The following TLE6 variants were observed in gnomAD, a reference collection of about 807,000 sequenced individuals.
TLE6 encodes the protein TLE family member 6, subcortical maternal complex member.
A neutral mutation model predicts 77.1 loss-of-function variants in TLE6; 72 were observed. The observed-to-expected ratio is 0.93, with a 90% CI of 0.77 to 1.14. TLE6 has a LOEUF of 1.14. TLE6 is among the 50% of genes most tolerant of loss of function. The pLI, the probability that TLE6 is intolerant of heterozygous loss-of-function variation, is 0.00. For synonymous variants in TLE6, 366 were observed against 287.3 expected (o/e 1.27, Z -2.77); for missense variants, 843 against 747.6 (o/e 1.13, Z -1.49).
chr19:2,994,492 C>T (rs1568222229), intron 16 of TLE6, among the ~76,000 whole-genome samples: 1 of 152,096 alleles, frequency 6.6e-6, no homozygotes, highest in Non-Finnish European at 1.5e-5. Context: ...CGCCTGTAGT[C>T]CCAGCTACTT....
chr19:2,991,473 A>C (rs1472615224), intron 13 of TLE6, among the ~76,000 whole-genome samples: 2 of 150,946 alleles, frequency 1.3e-5, no homozygotes, highest in Non-Finnish European at 2.9e-5. Flanking sequence ...CTATCAGCAT[A>C]TGTTTGCAGG....
chr19:2,980,301 C>A, intron 3 of TLE6, 119 bp downstream of exon 3: 1 of 752,106 alleles, frequency 1.3e-6, no homozygotes, highest in Non-Finnish European at 2.1e-6. Context: ...GGCTCAGGAA[C>A]AGGAAGCCAT....
chr19:2,987,495 C>A, intron 8 of TLE6, 123 bp downstream of exon 8: 1 of 1,421,322 alleles, frequency 7.0e-7, no homozygotes. Context: ...CCCCTCGGGT[C>A]CCCCGGGGGG....
At chr19:2,989,358 A>G (rs749136677) in intron 12 of TLE6, 45 bp downstream of exon 12, 5 of 1,603,624 alleles carry the variant, frequency 3.1e-6, no homozygotes, top group Non-Finnish European at 4.3e-6. Context: ...TTCTGGGAAC[A>G]GGGGGTTTGA....
At chr19:2,986,242 C>T (rs1412995942) in intron 5 of TLE6, among the ~76,000 whole-genome samples, 1 of 149,058 alleles carries the variant, frequency 6.7e-6, no homozygotes. Flanking sequence ...ATGAGACTCC[C>T]ATTTCTACAA....
chr19:2,994,744 C>T lies in TLE6; in HGVS notation c.1615-156C>T, dbSNP rs573090360. Among the ~76,000 whole-genome samples, 29 of 152,304 alleles carry T rather than the reference C, an allele frequency of 1.9e-4. No individual in the cohort carries two copies. In the East Asian group the frequency reaches 4.4e-3, roughly 23 times the overall value. Reference sequence around the variant, plus strand: ...GTGTGAGTCCAGGAGGTCGAGGCTGCAGCAAGCTGAGATTGCACCACTGCA... The same window carrying T: ...GTGTGAGTCCAGGAGGTCGAGGCTGTAGCAAGCTGAGATTGCACCACTGCA... On this transcript the variant is annotated intron_variant, in intron 16 of 16. Transcript: ENST00000246112.
chr19:2,978,444 G>C (rs749369167), intron 2 of TLE6, among the ~76,000 whole-genome samples, 160 bp downstream of exon 2: 2 of 152,102 alleles, frequency 1.3e-5, no homozygotes, highest in Non-Finnish European at 2.9e-5. Context: ...AAGGAGCCGT[G>C]TTTTTTAAAA....
At chr19:2,993,995 T>G (rs2089149420) in intron 15 of TLE6, 24 bp from the exon 16 acceptor site, 1 of 1,565,006 alleles carries the variant, frequency 6.4e-7, no homozygotes, top group Admixed American at 1.8e-5. Context: ...GTTCTAAGTC[T>G]CGCTGATGCT....
chr19:2,993,322 G>A (rs2089127024), intron 14 of TLE6, 110 bp from the exon 15 acceptor site: 1 of 1,186,168 alleles, frequency 8.4e-7, no homozygotes, highest in Admixed American at 2.8e-5. Context: ...TGCACAGCTA[G>A]GAAGGGGTCA....
rs1336193754 is a variant in TLE6, at chr19:2,991,358, CA to C, written c.1245-471del. 6.5e-3 allele frequency among the ~76,000 whole-genome samples: 381 copies of C among 58,772 alleles called. 2 individuals are homozygous for C. Among genetic ancestry groups the C allele is most frequent in the South Asian group, 0.029 (47 of 1,628 alleles). The allele number at this position is 58,772 out of a possible 152,430, so 38.6% of individuals were successfully genotyped here. ...TGGGCAACAAAACGAGACTCCATTT[CA>C]AAAAAAAAAAAAATACGTATATATA... On this transcript the variant is annotated intron_variant, in intron 13 of 16. Transcript: ENST00000246112.
At chr19:2,994,142 AC>A in intron 16 of TLE6, 47 bp downstream of exon 16, 1 of 1,517,636 alleles carries the variant, frequency 6.6e-7, no homozygotes, top group Non-Finnish European at 9.0e-7. Context: ...CCCCAAAGGG[AC>A]CAGCCTGGGC....
Position 2,991,901 on chromosome 19 carries a change from T to G in TLE6, c.1303T>G (p.Trp435Gly), listed in dbSNP as rs1435622235. The change falls in exon 14 of 17, where the codon TGG (tryptophan) becomes GGG (glycine). Residue 435 changes from tryptophan to glycine, a missense_variant. Coordinates refer to ENST00000246112, the MANE Select transcript of TLE6 (RefSeq NM_001143986.2). The stretch of plus-strand genomic sequence containing the variant: ...TATCGTGGTCAAGGGCTACAACATC[T>G]GGACTGGGGGTCCGGATGCCTGTCT... ...KSIVVKGYNIWTGGPDACLRC... is the reference protein window; with the variant it reads ...KSIVVKGYNIGTGGPDACLRC... The G allele has an allele frequency of 3.7e-6, 6 of 1,613,600 alleles. No individual in the cohort carries two copies. Among genetic ancestry groups the G allele is most frequent in the Non-Finnish European group, 5.1e-6 (6 of 1,179,838 alleles).
Position 2,989,162 on chromosome 19 carries a change from G to A in TLE6, c.842G>A (p.Arg281Gln), listed in dbSNP as rs376615116. ...GTCCCGTGCAAACTGGAAAAGATGC[G>A]GATCTTGGCACACGGGGAGCTCGTG... Reference protein sequence around the residue: ...LAVPCKLEKMRILAHGELVLA... With the variant: ...LAVPCKLEKMQILAHGELVLA... The change falls in exon 12 of 17, where the codon CGG becomes CAG. Residue 281 changes from arginine (R) to glutamine (Q), a missense_variant. Arg to Gln is a conservative substitution (Grantham distance 43). Coordinates refer to ENST00000246112, the MANE Select transcript of TLE6 (RefSeq NM_001143986.2). The A allele has an allele frequency of 3.0e-5, 48 of 1,614,016 alleles. No homozygotes were observed. The highest frequency in any genetic ancestry group is 1.1e-4 in the African/African-American group (8 of 74,958).
chr19:2,980,054 G>A lies in TLE6; in HGVS notation c.52-46G>A, dbSNP rs1247841071. On this transcript the variant is annotated intron_variant, in intron 2 of 16. Transcript: ENST00000246112. ...GAGGTGGAGACCGGGGGTCTTGGGT[G>A]TTGGAGCATTGTAAGTTTTATGTAA... 3 of 1,491,832 alleles carry A rather than the reference G, an allele frequency of 2.0e-6. No individual in the cohort carries two copies. The highest frequency in any genetic ancestry group is 2.7e-6 in the Non-Finnish European group (3 of 1,094,402). The allele number at this position is 1,491,832 out of a possible 1,614,324, so 92.4% of individuals were successfully genotyped here. A position where few individuals can be genotyped will look rare whatever the true frequency, so the allele number is the denominator to read the frequency against.
intron 5 of TLE6, among the ~76,000 whole-genome samples, chr19:2,982,795 TC>T (rs1207854430): frequency 6.6e-6 from 1 of 152,098 alleles, no homozygotes; most frequent in Non-Finnish European, 1.5e-5. Flanking sequence ...TCCTGCTCCT[TC>T]CGCTCCCTGG....
In TLE6 at chr19:2,978,184, C is replaced by A. The variant is rs1275826838; in HGVS notation, c.-36-14C>A. ...TTCTGTCCCTCAAGACCTGCCGTCT[C>A]CTTGTTGTTTTAGACTCTGGCTAAA... On this transcript the variant is annotated splice_polypyrimidine_tract_variant and intron_variant, in intron 1 of 16. Transcript: ENST00000246112. 1.3e-6 allele frequency: 2 copies of A among 1,543,362 alleles called. No homozygotes were observed. Among genetic ancestry groups the A allele is most frequent in the Non-Finnish European group, 1.8e-6 (2 of 1,139,918 alleles).
intron 13 of TLE6, among the ~76,000 whole-genome samples, chr19:2,990,036 C>T (rs1052500518): frequency 6.6e-6 from 1 of 152,056 alleles, no homozygotes; most frequent in African/African-American, 2.4e-5. Flanking sequence ...CCTCAGTTTC[C>T]CCACCTGGAC....
At position 2,980,369 on chromosome 19, in the gene TLE6, A is replaced by T. The variant is rs1255172702; in HGVS notation, c.134+187A>T. The T allele has an allele frequency of 1.4e-5, 6 of 427,726 alleles. No individual in the cohort carries two copies. The South Asian group carries it at 1.7e-4, about 12-fold the overall frequency. The allele number at this position is 427,726 out of a possible 1,614,324, so 26.5% of individuals were successfully genotyped here. A position where few individuals can be genotyped will look rare whatever the true frequency, so the allele number is the denominator to read the frequency against. On this transcript the variant is annotated intron_variant, in intron 3 of 16. Transcript: ENST00000246112. Reference sequence around the variant, plus strand: ...CCATCCCAGCTTTTGATTAAACAAAATTACCAACAAATATTAAAATTTTGA... The same window carrying T: ...CCATCCCAGCTTTTGATTAAACAAATTTACCAACAAATATTAAAATTTTGA...
intron 3 of TLE6, 86 bp downstream of exon 3, chr19:2,980,268 A>G: frequency 1.7e-6 from 2 of 1,199,384 alleles, no homozygotes; most frequent in Non-Finnish European, 2.4e-6. Context: ...TGAGTGGTCT[A>G]GAGGCTGCTG....
Sources: gnomAD v4.1 joint callset for allele counts (sites outside exome capture counted in the v4.1 genomes callset) on GRCh38, gnomAD v4.1.1 for gene constraint, MANE v1.5 for transcripts, NCBI Gene and HGNC (gene_info 2026-07-23, HGNC 2026-07-21) for gene names.